The following TSPAN7 variants were observed in gnomAD, a reference collection of about 807,000 sequenced individuals.
TSPAN7 encodes tetraspanin-7.
TSPAN7 carries 1 observed loss-of-function variant against 17.6 expected under a neutral mutation model. That is an observed-to-expected ratio of 0.06 (90% CI 0.02 to 0.27). TSPAN7 has a LOEUF of 0.27. Among genes scored for constraint, TSPAN7 ranks in the 10% least tolerant of loss-of-function variants. The pLI, the probability that TSPAN7 is intolerant of heterozygous loss-of-function variation, is 1.00. For synonymous variants in TSPAN7, 78 were observed against 79.0 expected, an observed-to-expected ratio of 0.99 and a Z score of 0.07; for missense variants, 112 against 201.7, an observed-to-expected ratio of 0.56 and a Z score of 2.69.
intron 1 of TSPAN7, chrX:38,656,135 C>A: frequency 3.9e-6 from 1 of 254,935 alleles, no homozygotes; most frequent in Non-Finnish European, 7.7e-6. Context: ...ATTTGAACAG[C>A]ATGTTGTCTT....
At chrX:38,628,003 G>A (rs2069530496) in intron 1 of TSPAN7, among the ~76,000 whole-genome samples, 1 of 113,109 alleles carries the variant, frequency 8.8e-6, no homozygotes, top group African/African-American at 3.2e-5. Flanking sequence ...CAAGTGGCTT[G>A]CACTGGGCTG....
intron 1 of TSPAN7, chrX:38,563,251 G>A (rs2069124109): frequency 3.7e-6 from 2 of 543,103 alleles, no homozygotes; most frequent in Non-Finnish European, 5.0e-6. Flanking sequence ...GACTGACAAC[G>A]ACACAGGTTG....
chrX:38,567,294 G>A (rs58300285), intron 1 of TSPAN7, among the ~76,000 whole-genome samples: 8,918 of 112,140 alleles, frequency 0.08, 699 homozygotes, highest in African/African-American at 0.24. Flanking sequence ...CATGGCTGGG[G>A]AGGCCCCAAA....
chrX:38,595,616 A>G (rs971067229), intron 1 of TSPAN7, among the ~76,000 whole-genome samples: 6 of 112,333 alleles, frequency 5.3e-5, no homozygotes, highest in African/African-American at 1.9e-4. Context: ...TGTGTACTGA[A>G]ATAAAATTGG....
At chrX:38,597,900 T>C (rs1025877894) in intron 1 of TSPAN7, among the ~76,000 whole-genome samples, 2 of 111,671 alleles carry the variant, frequency 1.8e-5, no homozygotes, top group African/African-American at 6.5e-5. Flanking sequence ...TATGAAAACA[T>C]ACTTCAGTAT....
chrX:38,565,261 G>A (rs61207499), intron 1 of TSPAN7, among the ~76,000 whole-genome samples: 4 of 111,750 alleles, frequency 3.6e-5, no homozygotes, highest in Non-Finnish European at 5.6e-5. Context: ...GCAGAGTCTC[G>A]CTGTGTTGCC....
chrX:38,583,949 C>CTTTTTTTTTTTTTTTTTTT (rs34777484), intron 1 of TSPAN7, among the ~76,000 whole-genome samples: 2 of 66,974 alleles, frequency 3.0e-5, no homozygotes, highest in African/African-American at 6.1e-5. Flanking sequence ...TTTTTCTTTT[C>CTTTTTTTTTTTTTTTTTTT]TTTTTTTTTT....
At chrX:38,640,279 T>C (rs1289690399) in intron 1 of TSPAN7, among the ~76,000 whole-genome samples, 2 of 111,827 alleles carry the variant, frequency 1.8e-5, no homozygotes, top group African/African-American at 6.5e-5. Flanking sequence ...ACTCCACATT[T>C]AACATGTTTC....
At chrX:38,569,252 T>C (rs2069157616) in intron 1 of TSPAN7, among the ~76,000 whole-genome samples, 1 of 111,227 alleles carries the variant, frequency 9.0e-6, no homozygotes, top group Admixed American at 9.6e-5. Context: ...GTCTCTTCTT[T>C]TGGTCTCATC....
rs528013176 is a variant in TSPAN7 at position 38,588,984 on chromosome X, T to C, written c.81+27357T>C. 3.3e-4 allele frequency among the ~76,000 whole-genome samples: 37 copies of C among 112,341 alleles called. 1 individual carries two copies. In the South Asian group the frequency reaches 0.013, roughly 41 times the overall value. On this transcript the variant is annotated intron_variant, in intron 1 of 7. Transcript: ENST00000378482. ...TACTCTTCTTCACTGCGTACTCTTC[T>C]ACTGTTTACTTTCAGCATGCTTCTT...
chrX:38,588,974 C>T (rs886400211), intron 1 of TSPAN7, among the ~76,000 whole-genome samples: 6 of 112,070 alleles, frequency 5.4e-5, no homozygotes, highest in African/African-American at 1.6e-4. Context: ...TTCTTCACTG[C>T]GTACTCTTCT....
chrX:38,649,325 G>A (rs2069663288), intron 1 of TSPAN7, among the ~76,000 whole-genome samples: 3 of 112,086 alleles, frequency 2.7e-5, no homozygotes, highest in Non-Finnish European at 5.6e-5. Flanking sequence ...GCTCAGTGAT[G>A]GTGAAAGGAT....
At chrX:38,579,002 G>T (rs768550929) in intron 1 of TSPAN7, among the ~76,000 whole-genome samples, 2 of 111,396 alleles carry the variant, frequency 1.8e-5, no homozygotes, top group Non-Finnish European at 3.8e-5. Context: ...TCCTGAGGGG[G>T]ATCCACATCA....
Position 38,632,690 on chromosome X carries a change from A to G in TSPAN7, c.82-33431A>G, listed in dbSNP as rs73482055. Among the ~76,000 whole-genome samples, 165 of 112,633 alleles carry G rather than the reference A, an allele frequency of 1.5e-3. 1 individual carries two copies. Among genetic ancestry groups the G allele is most frequent in the Middle Eastern group, 4.6e-3 (1 of 219 alleles). On this transcript the variant is annotated intron_variant, in intron 1 of 7. Transcript: ENST00000378482. ...ATACTGTCAGGAAGATGTCTCTACC[A>G]AGTGTTACACATGTGTATATCTACA...
intron 1 of TSPAN7, among the ~76,000 whole-genome samples, chrX:38,604,316 A>C (rs926203505): frequency 1.9e-5 from 2 of 106,441 alleles, no homozygotes; most frequent in Non-Finnish European, 3.9e-5. Context: ...TATTGTGAAT[A>C]GTGCTGCAAT....
intron 1 of TSPAN7, among the ~76,000 whole-genome samples, chrX:38,643,479 G>A (rs1356498131): frequency 9.1e-6 from 1 of 109,695 alleles, no homozygotes; most frequent in Non-Finnish European, 1.9e-5. Flanking sequence ...TGGAAGCTGG[G>A]TGTGACAGGA....
intron 1 of TSPAN7, among the ~76,000 whole-genome samples, chrX:38,661,292 T>G (rs746550148): frequency 5.0e-4 from 56 of 112,864 alleles, no homozygotes; most frequent in Non-Finnish European, 8.2e-4. Flanking sequence ...AACCTATCTG[T>G]AAGTTTTCTT....
At chrX:38,613,267 T>G (rs2069432223) in intron 1 of TSPAN7, among the ~76,000 whole-genome samples, 1 of 112,376 alleles carries the variant, frequency 8.9e-6, no homozygotes, top group African/African-American at 3.2e-5. Flanking sequence ...TTTTCTTATT[T>G]TATGGATGTA....
chrX:38,608,501 G>A (rs138856559), intron 1 of TSPAN7, among the ~76,000 whole-genome samples: 1,401 of 111,150 alleles, frequency 0.013, 12 homozygotes, highest in Middle Eastern at 0.033. Context: ...TAAGAACTAT[G>A]TGGTAACTTG....
Sources: allele counts gnomAD v4.1 joint callset (sites outside exome capture counted in the v4.1 genomes callset), GRCh38; gene constraint gnomAD v4.1.1; transcripts MANE v1.5; gene names NCBI Gene and HGNC (gene_info 2026-07-23, HGNC 2026-07-21).